Variants in IL34 observed in about 807,000 individuals in gnomAD.
The protein encoded by IL34 is interleukin-34.
IL34 carries 17 observed loss-of-function variants against 25.3 expected under a neutral mutation model. That is an observed-to-expected ratio of 0.67 (90% CI 0.46 to 1.01). The LOEUF is 1.01. IL34 is among the 50% of genes least tolerant of loss of function. IL34 has a pLI of 0.00. For missense variants in IL34, 368 were observed against 312.9 expected, an observed-to-expected ratio of 1.18 and a Z score of -1.33; for synonymous variants, 174 against 140.9, an observed-to-expected ratio of 1.23 and a Z score of -1.66.
intron 1 of IL34, chr16:70,654,295 G>C (rs923503554): frequency 1.0e-5 from 4 of 382,938 alleles, no homozygotes; most frequent in African/African-American, 8.2e-5. Context: ...GCCTCCTGGG[G>C]GGCTCCAGTG....
At chr16:70,585,148 A>G (rs1567434092) in intron 1 of IL34, among the ~76,000 whole-genome samples, 1 of 152,146 alleles carries the variant, frequency 6.6e-6, no homozygotes, top group Non-Finnish European at 1.5e-5. Context: ...CACCTTTCAG[A>G]TGTCTGTCTC....
intron 1 of IL34, among the ~76,000 whole-genome samples, chr16:70,596,438 G>C (rs752758493): frequency 3.3e-5 from 5 of 152,228 alleles, no homozygotes; most frequent in Admixed American, 6.5e-5. Context: ...TATGGAGCCA[G>C]GGAGCGTGAG....
At chr16:70,589,779 C>T (rs1481503457) in intron 1 of IL34, among the ~76,000 whole-genome samples, 1 of 152,062 alleles carries the variant, frequency 6.6e-6, no homozygotes, top group Admixed American at 6.6e-5. Context: ...CCCGCCACCA[C>T]GCCCAGCTAT....
rs2052248530 is a variant in IL34, at chr16:70,657,083, G to A, written c.364G>A (p.Val122Met). Residue 122 changes from valine (V) to methionine (M), a missense_variant, in exon 4 of 6, where the codon GTG (valine) becomes ATG (methionine). Transcript: ENST00000288098. The part of the protein sequence containing the change: ...GHPSWKYLQE[V>M]ETLLLNVQQG... ...CCCATCCTGGAAGTACCTGCAGGAG[G>A]TGGAGACGCTGCTGCTGAATGTCCA... 1 of 1,613,158 alleles carries A rather than the reference G, an allele frequency of 6.2e-7. No homozygotes were observed. Among genetic ancestry groups the A allele is most frequent in the African/African-American group, 1.3e-5 (1 of 74,874 alleles).
chr16:70,602,431 G>A (rs1447880426), intron 1 of IL34, among the ~76,000 whole-genome samples: 3 of 152,148 alleles, frequency 2.0e-5, no homozygotes, highest in Non-Finnish European at 2.9e-5. Context: ...TACTCAGGAG[G>A]CTGAGGTGGA....
rs138934274 is a variant in IL34, at chr16:70,587,483, G to C, written c.-401+7434G>C. On this transcript the variant is annotated intron_variant, in intron 1 of 6. Transcript: ENST00000429149. ...AGACGGGGTTTCACCGTTTTAGCCA[G>C]GATGATCTTGATCTTCTGACCTCAT... 9.2e-3 allele frequency among the ~76,000 whole-genome samples: 1,394 copies of C among 152,012 alleles called. 9 individuals carry two copies. The highest frequency in any genetic ancestry group is 0.071 in the Middle Eastern group (21 of 294).
chr16:70,620,451 A>C (rs1457204846), intron 1 of IL34, among the ~76,000 whole-genome samples: 1 of 82,218 alleles, frequency 1.2e-5, no homozygotes, highest in Non-Finnish European at 2.1e-5. Context: ...GGAGGTGATA[A>C]AAAGATAGGG....
chr16:70,646,724 C>G lies in IL34; in HGVS notation c.-224C>G. ...TTCTGGGCTGCCATGGGACTTGCGG[C>G]CACCGCCCCCCGGCTGTCCTCCACG... On this transcript the variant is annotated 5_prime_UTR_variant, in exon 1 of 6. Transcript: ENST00000288098. 2.1e-6 allele frequency: 1 copy of G among 484,880 alleles called. No homozygotes were observed. The highest frequency in any genetic ancestry group is 3.6e-6 in the Non-Finnish European group (1 of 279,260). 30.0% of individuals were successfully genotyped at this position (484,880 alleles called of 1,614,324 possible).
In IL34 at chr16:70,660,537, ACAGC is replaced by A. The variant is rs1024834240; in HGVS notation, c.*355_*358del. The A allele has an allele frequency of 4.5e-6, 1 of 223,312 alleles. No homozygotes were observed. The highest frequency in any genetic ancestry group is 5.5e-5 in the Admixed American group (1 of 18,134). The allele number at this position is 223,312 out of a possible 1,614,324, so 13.8% of individuals were successfully genotyped here. On this transcript the variant is annotated 3_prime_UTR_variant, in exon 6 of 6. Coordinates refer to ENST00000288098, the MANE Select transcript of IL34 (RefSeq NM_001393494.1). Reference sequence around the variant, plus strand: ...GGCACAGCTGTGGGTTGCAGGGGAGACAGCCAGCACGGCGTGGCCATTCTATGAC... The same window carrying A: ...GGCACAGCTGTGGGTTGCAGGGGAGACAGCACGGCGTGGCCATTCTATGAC...
intron 1 of IL34, among the ~76,000 whole-genome samples, chr16:70,631,649 A>G (rs1411823568): frequency 2.0e-5 from 3 of 152,140 alleles, no homozygotes; most frequent in African/African-American, 7.2e-5. Context: ...GTGGAAAAAT[A>G]AAAAAGTTAA....
intron 1 of IL34, among the ~76,000 whole-genome samples, chr16:70,593,685 T>G (rs879744378): frequency 6.6e-6 from 1 of 152,074 alleles, no homozygotes; most frequent in Admixed American, 6.6e-5. Context: ...CTGGGCTATT[T>G]TTTTTGTATT....
At chr16:70,644,887 T>G (rs59387706), upstream of IL34, among the ~76,000 whole-genome samples, 1,136 of 44,334 alleles carry the variant, frequency 0.026, no homozygotes, top group Middle Eastern at 0.091. Context: ...AGGAAGGAGG[T>G]GGAAGAGGAA....
chr16:70,609,260 G>C (rs1290412345), intron 1 of IL34, among the ~76,000 whole-genome samples: 2 of 152,018 alleles, frequency 1.3e-5, no homozygotes, highest in Non-Finnish European at 2.9e-5. Context: ...TGCATATTTA[G>C]TAGAGACGGG....
At chr16:70,630,596 T>C (rs937646572) in intron 1 of IL34, among the ~76,000 whole-genome samples, 13 of 151,362 alleles carry the variant, frequency 8.6e-5, no homozygotes, top group African/African-American at 2.9e-4. Context: ...TTTTTTTTTC[T>C]GAGGTAGGGT....
At chr16:70,618,770 CAG>C (rs955662047) in intron 1 of IL34, among the ~76,000 whole-genome samples, 2 of 152,022 alleles carry the variant, frequency 1.3e-5, no homozygotes, top group African/African-American at 4.8e-5. Flanking sequence ...GAGAATTATG[CAG>C]AGATAGGTAA....
intron 1 of IL34, among the ~76,000 whole-genome samples, chr16:70,620,352 C>T (rs539218888): frequency 7.2e-5 from 11 of 152,164 alleles, no homozygotes; most frequent in East Asian, 3.9e-4. Context: ...GCCTTTGGCT[C>T]CAGCCACCTT....
At chr16:70,603,353 C>T (rs2050948555) in intron 1 of IL34, among the ~76,000 whole-genome samples, 1 of 152,050 alleles carries the variant, frequency 6.6e-6, no homozygotes, top group Admixed American at 6.5e-5. Flanking sequence ...GATCTCGGCT[C>T]ACCGCAACCT....
chr16:70,589,003 A>ATGCCACT (rs1408736209), intron 1 of IL34, among the ~76,000 whole-genome samples: 3 of 152,136 alleles, frequency 2.0e-5, no homozygotes, highest in Non-Finnish European at 4.4e-5. Context: ...AATGTATTTA[A>ATGCCACT]TGCCACTGGG....
upstream of IL34, among the ~76,000 whole-genome samples, chr16:70,642,373 C>T (rs2051806790): frequency 6.7e-6 from 1 of 150,064 alleles, no homozygotes; most frequent in South Asian, 2.1e-4. Flanking sequence ...TCTCGGCTCA[C>T]TGCAAACTTT....
Sources: allele counts gnomAD v4.1 joint callset (sites outside exome capture counted in the v4.1 genomes callset), GRCh38; gene constraint gnomAD v4.1.1; transcripts MANE v1.5; gene names NCBI Gene and HGNC (gene_info 2026-07-23, HGNC 2026-07-21).